GPR39: variants seen among roughly 807,000 people sequenced by gnomAD.
GPR39 encodes the protein G protein-coupled receptor 39, also known as zinc sensing receptor.
Under a neutral mutation model 18.4 loss-of-function variants are expected in GPR39, and 23 were observed. The ratio of observed to expected loss-of-function variants is 1.25; its 90% CI spans 0.90 to 1.77. GPR39 has a LOEUF of 1.77. Ranked by LOEUF, GPR39 falls within the 40% of genes most tolerant of loss-of-function variation. The pLI is 0.00. For missense variants in GPR39, 647 were observed against 602.4 expected (o/e 1.07, Z -0.78); for synonymous variants, 280 against 257.9 (o/e 1.09, Z -0.82).
intron 1 of GPR39, among the ~76,000 whole-genome samples, chr2:132,469,115 G>A (rs778239938): frequency 3.7e-4 from 56 of 152,272 alleles, no homozygotes; most frequent in Non-Finnish European, 7.3e-4. Flanking sequence ...ATTCCTGCAA[G>A]TTGCTTCATT....
chr2:132,467,026 A>G (rs1300844738), intron 1 of GPR39, among the ~76,000 whole-genome samples: 1 of 152,214 alleles, frequency 6.6e-6, no homozygotes, highest in Admixed American at 6.5e-5. Context: ...TGTGTTTGCT[A>G]ATTGACAGTA....
At chr2:132,574,503 G>A (rs1296442097) in intron 1 of GPR39, among the ~76,000 whole-genome samples, 2 of 152,254 alleles carry the variant, frequency 1.3e-5, no homozygotes, top group South Asian at 4.2e-4. Context: ...GGCTGAGGCA[G>A]GCAGATCTCT....
At chr2:132,444,470 A>G (rs1337402176) in intron 1 of GPR39, among the ~76,000 whole-genome samples, 2 of 152,074 alleles carry the variant, frequency 1.3e-5, no homozygotes, top group South Asian at 2.1e-4. Context: ...TATTTTTTGT[A>G]GAGATGGGGT....
chr2:132,539,740 T>C (rs937997072), intron 1 of GPR39, among the ~76,000 whole-genome samples: 10 of 152,168 alleles, frequency 6.6e-5, no homozygotes, highest in Non-Finnish European at 1.5e-4. Flanking sequence ...TGTCATATTC[T>C]GTCTGTCAGA....
At chr2:132,580,321 T>A (rs1680600769) in intron 1 of GPR39, among the ~76,000 whole-genome samples, 1 of 152,156 alleles carries the variant, frequency 6.6e-6, no homozygotes, top group African/African-American at 2.4e-5. Context: ...AGTGTGAGGG[T>A]TTTCCCAGGA....
At chr2:132,620,301 C>A (rs1395740245) in intron 1 of GPR39, among the ~76,000 whole-genome samples, 1 of 152,202 alleles carries the variant, frequency 6.6e-6, no homozygotes, top group African/African-American at 2.4e-5. Context: ...GAAATAAGCC[C>A]TGGGGACTGG....
At chr2:132,419,613 C>T (rs952845435) in intron 1 of GPR39, among the ~76,000 whole-genome samples, 1 of 152,186 alleles carries the variant, frequency 6.6e-6, no homozygotes, top group Non-Finnish European at 1.5e-5. Context: ...GAGGAATGGA[C>T]ATTGTATTTG....
At position 132,417,129 on chromosome 2, in the gene GPR39, CA is replaced by C; in HGVS notation, c.91del (p.Ile31SerfsTer8). Reference protein sequence around the residue: ...VPEFEVATWIKITLILVYLII... With the variant: ...VPEFEVATWIXITLILVYLII... ...CCGAGTTTGAGGTGGCCACCTGGAT[CA>C]AAATCACCCTTATTCTGGTGTACCT... is the stretch of plus-strand genomic sequence containing the variant. On this transcript the variant is annotated frameshift_variant, in exon 1 of 2. Coordinates refer to ENST00000329321, the MANE Select transcript of GPR39 (RefSeq NM_001508.3). LOFTEE classifies it high-confidence loss of function. The C allele has an allele frequency of 3.1e-6, 5 of 1,614,148 alleles. No individual in the cohort carries two copies. Among genetic ancestry groups the C allele is most frequent in the Non-Finnish European group, 4.2e-6 (5 of 1,180,038 alleles).
In GPR39 at chr2:132,622,262, C is replaced by T. The variant is rs188196316; in HGVS notation, c.857-22839C>T. ...TACAAAATTTAGCCAGGTGTGGTGG[C>T]GCACACCTATAATCCCACCTACTGT... On this transcript the variant is annotated intron_variant, in intron 1 of 1. Coordinates refer to ENST00000329321, the MANE Select transcript of GPR39 (RefSeq NM_001508.3). 3.7e-3 allele frequency among the ~76,000 whole-genome samples: 559 copies of T among 152,156 alleles called. 3 individuals are homozygous for T. The highest frequency in any genetic ancestry group is 0.013 in the African/African-American group (530 of 41,514).
chr2:132,518,661 T>C (rs1654339128), intron 1 of GPR39, among the ~76,000 whole-genome samples: 1 of 152,166 alleles, frequency 6.6e-6, no homozygotes, highest in Admixed American at 6.5e-5. Flanking sequence ...ATAAATATAA[T>C]GCAAACCACA....
intron 1 of GPR39, among the ~76,000 whole-genome samples, chr2:132,446,005 G>A (rs1342885024): frequency 6.6e-6 from 1 of 152,156 alleles, no homozygotes; most frequent in Non-Finnish European, 1.5e-5. Context: ...GCGGGGGTGT[G>A]TTTTGAGGAA....
intron 1 of GPR39, among the ~76,000 whole-genome samples, chr2:132,592,552 C>T (rs1573686649): frequency 6.6e-6 from 1 of 152,106 alleles, no homozygotes; most frequent in East Asian, 1.9e-4. Context: ...GATGCAGAGC[C>T]ATTGGGAGGG....
intron 1 of GPR39, among the ~76,000 whole-genome samples, chr2:132,597,223 T>C (rs367565111): frequency 3.3e-5 from 5 of 152,180 alleles, no homozygotes; most frequent in African/African-American, 1.2e-4. Flanking sequence ...GGGGTCAGGC[T>C]ATGTGGAAAG....
intron 1 of GPR39, chr2:132,644,758 C>G (rs978085205): frequency 1.7e-5 from 4 of 239,700 alleles, no homozygotes; most frequent in Non-Finnish European, 3.2e-5. Context: ...AAGACAAAAC[C>G]AGATTTATGG....
chr2:132,459,018 T>A (rs7608451), intron 1 of GPR39, among the ~76,000 whole-genome samples: 1 of 151,968 alleles, frequency 6.6e-6, no homozygotes, highest in Non-Finnish European at 1.5e-5. Flanking sequence ...CCATTTCCAT[T>A]GTTGAAAGTA....
chr2:132,621,696 C>G (rs1681446160), intron 1 of GPR39, among the ~76,000 whole-genome samples: 1 of 152,150 alleles, frequency 6.6e-6, no homozygotes, highest in Non-Finnish European at 1.5e-5. Flanking sequence ...CAGCTCAGAC[C>G]CTGTCTCCAG....
At chr2:132,542,541 A>G (rs780028249) in intron 1 of GPR39, among the ~76,000 whole-genome samples, 50 of 152,218 alleles carry the variant, frequency 3.3e-4, no homozygotes, top group Non-Finnish European at 5.7e-4. Flanking sequence ...ACCTCCTATC[A>G]TAGACCTGGA....
In GPR39 at chr2:132,417,422, T is replaced by G; in HGVS notation, c.380T>G (p.Leu127Arg). Residue 127 changes from leucine to arginine, a missense_variant, in exon 1 of 2, where the codon CTG (leucine) becomes CGG (arginine). By Grantham distance (102) the Leu-to-Arg change is moderately radical (BLOSUM62 -2). Coordinates refer to ENST00000329321, the MANE Select transcript of GPR39 (RefSeq NM_001508.3). ...ACSYATLLHVLTLSFERYIAI... is the reference protein window; with the variant it reads ...ACSYATLLHVRTLSFERYIAI... Reference sequence around the variant, plus strand: ...AGCTACGCTACGCTGCTGCACGTGCTGACACTCAGCTTTGAGCGCTACATC... The same window carrying G: ...AGCTACGCTACGCTGCTGCACGTGCGGACACTCAGCTTTGAGCGCTACATC... 1.2e-6 allele frequency: 2 copies of G among 1,614,218 alleles called. No homozygotes were observed. The highest frequency in any genetic ancestry group is 1.7e-6 in the Non-Finnish European group (2 of 1,180,032).
At chr2:132,594,103 A>G (rs1056587480) in intron 1 of GPR39, among the ~76,000 whole-genome samples, 1 of 152,148 alleles carries the variant, frequency 6.6e-6, no homozygotes, top group African/African-American at 2.4e-5. Flanking sequence ...TTACAATGTG[A>G]ACAATCAGAC....
Sources: gnomAD v4.1 joint callset for allele counts (sites outside exome capture counted in the v4.1 genomes callset) on GRCh38, gnomAD v4.1.1 for gene constraint, MANE v1.5 for transcripts, NCBI Gene and HGNC (gene_info 2026-07-23, HGNC 2026-07-21) for gene names.